The following RPL22L1 variants were observed in gnomAD, a reference collection of about 807,000 sequenced individuals.
RPL22L1 encodes the protein ribosomal protein L22 like 1.
Under a neutral mutation model 17.3 loss-of-function variants are expected in RPL22L1, and 19 were observed. The ratio of observed to expected loss-of-function variants is 1.10; its 90% CI spans 0.77 to 1.61. RPL22L1 has a LOEUF of 1.61. Ranked by LOEUF, RPL22L1 falls within the 40% of genes most tolerant of loss-of-function variation. The probability of loss-of-function intolerance (pLI) is 0.00; values close to 1 mark genes in which losing one functional copy is unlikely to be tolerated. For missense variants in RPL22L1, 139 were observed against 144.4 expected, an observed-to-expected ratio of 0.96 and a Z score of 0.19; for synonymous variants, 48 against 48.5, an observed-to-expected ratio of 0.99 and a Z score of 0.05.
In RPL22L1 at chr3:170,865,512, C is replaced by T. The variant is rs930557642; in HGVS notation, c.*868G>A. 3 of 152,160 alleles carry T rather than the reference C, an allele frequency of 2.0e-5. No homozygotes were observed. Among genetic ancestry groups the T allele is most frequent in the Admixed American group, 6.5e-5 (1 of 15,278 alleles). 9.4% of individuals were successfully genotyped at this position (152,160 alleles called of 1,614,324 possible). ...CAACACGCCGGTGTTGGGGTAGGGG[C>T]TTTTGAGAAAGAGATGAGGATGCTC... On this transcript the variant is annotated 3_prime_UTR_variant, in exon 4 of 4. Transcript: ENST00000295830.
At chr3:170,867,910 C>G in intron 3 of RPL22L1, 103 bp downstream of exon 3, 1 of 972,516 alleles carries the variant, frequency 1.0e-6, no homozygotes, top group Non-Finnish European at 1.5e-6. Flanking sequence ...GTCTAAAGTT[C>G]ATATTTATTC....
chr3:170,869,436 A>G (rs968546561), intron 1 of RPL22L1, among the ~76,000 whole-genome samples: 4 of 152,204 alleles, frequency 2.6e-5, no homozygotes, highest in African/African-American at 9.6e-5. Flanking sequence ...AATGGAACAG[A>G]TAACCCTATA....
Position 170,866,360 on chromosome 3 carries a change from C to A in RPL22L1, c.*20G>T, listed in dbSNP as rs755745651. 5 of 1,582,826 alleles carry A rather than the reference C, an allele frequency of 3.2e-6. No homozygotes were observed. The African/African-American group carries it at 5.4e-5, about 17-fold the overall frequency. ...CATTTATTTTATTAATAAGCAAAGC[C>A]CTGTAAGGGGAGCCTTTGCCTAGTC... On this transcript the variant is annotated 3_prime_UTR_variant, in exon 4 of 4. Coordinates refer to ENST00000295830, the MANE Select transcript of RPL22L1 (RefSeq NM_001099645.2).
intron 3 of RPL22L1, among the ~76,000 whole-genome samples, chr3:170,867,624 A>G (rs1199583913): frequency 6.6e-6 from 1 of 152,204 alleles, no homozygotes; most frequent in East Asian, 1.9e-4. Flanking sequence ...ACTGGCAGCA[A>G]GATGTTAAGA....
Position 170,865,486 on chromosome 3 carries a change from C to T in RPL22L1, c.*894G>A, listed in dbSNP as rs188545484. 6.6e-6 allele frequency: 1 copy of T among 152,272 alleles called. No individual in the cohort carries two copies. Among genetic ancestry groups the T allele is most frequent in the Non-Finnish European group, 1.5e-5 (1 of 68,032 alleles). 9.4% of individuals were successfully genotyped at this position (152,272 alleles called of 1,614,324 possible). On this transcript the variant is annotated 3_prime_UTR_variant, in exon 4 of 4. Transcript: ENST00000295830. ...TCCACTTGTAAGTTTCAATAGACAA[C>T]CAACACGCCGGTGTTGGGGTAGGGG...
intron 1 of RPL22L1, chr3:170,869,892 C>G: frequency 1.6e-6 from 1 of 619,276 alleles, no homozygotes; most frequent in Non-Finnish European, 3.0e-6. Context: ...TACAGTTGTG[C>G]CTCCCTCTTT....
chr3:170,869,203 C>T (rs185455921), intron 1 of RPL22L1, among the ~76,000 whole-genome samples: 1 of 151,972 alleles, frequency 6.6e-6, no homozygotes, highest in African/African-American at 2.4e-5. Context: ...AATATGGCTA[C>T]ATAAGCAAAA....
At chr3:170,866,764 T>C (rs923715238) in intron 3 of RPL22L1, among the ~76,000 whole-genome samples, 3 of 152,226 alleles carry the variant, frequency 2.0e-5, no homozygotes, top group Non-Finnish European at 2.9e-5. Context: ...GTCAAACTGC[T>C]ACAGCCAAAT....
At chr3:170,867,874 G>T in intron 3 of RPL22L1, 139 bp downstream of exon 3, 1 of 717,770 alleles carries the variant, frequency 1.4e-6, no homozygotes, top group Non-Finnish European at 2.2e-6. Flanking sequence ...CTCATTTACT[G>T]AATTTCCCAT....
intron 3 of RPL22L1, 42 bp from the exon 4 acceptor site, chr3:170,866,566 CCTA>C: frequency 7.0e-7 from 1 of 1,436,028 alleles, no homozygotes; most frequent in Non-Finnish European, 9.5e-7. Flanking sequence ...AAATACAATT[CCTA>C]CTATGTAAAG....
intron 3 of RPL22L1, among the ~76,000 whole-genome samples, 161 bp downstream of exon 3, chr3:170,867,852 C>A (rs1451848707): frequency 2.0e-5 from 3 of 152,206 alleles, no homozygotes; most frequent in Admixed American, 2.0e-4. Flanking sequence ...CAACTAGACT[C>A]AGCAATTGGC....
chr3:170,866,590 C>A lies in RPL22L1; in HGVS notation c.225-66G>T, dbSNP rs181986380. 4.3e-6 allele frequency: 5 copies of A among 1,169,188 alleles called. No homozygotes were observed. In the African/African-American group the frequency reaches 4.6e-5, roughly 11 times the overall value. The allele number at this position is 1,169,188 out of a possible 1,614,324, so 72.4% of individuals were successfully genotyped here. On this transcript the variant is annotated intron_variant, in intron 3 of 3. Coordinates refer to ENST00000295830, the MANE Select transcript of RPL22L1 (RefSeq NM_001099645.2). ...TCCTACTATGTAAAGGTTTACTATA[C>A]GAAAAATATACATCATCATATTCAT...
At position 170,866,524 on chromosome 3, in the gene RPL22L1, C is replaced by A. The variant is rs1239044448; in HGVS notation, c.225G>T (p.Arg75Ser). 1.3e-6 allele frequency: 2 copies of A among 1,533,258 alleles called. No homozygotes were observed. The highest frequency in any genetic ancestry group is 8.8e-7 in the Non-Finnish European group (1 of 1,134,764). 95.0% of individuals were successfully genotyped at this position (1,533,258 alleles called of 1,614,324 possible). A position where few individuals can be genotyped will look rare whatever the true frequency, so the allele number is the denominator to read the frequency against. ...ATTTCTTGGTAAGGTATTTCAAATA[C>A]CTTTTAAAATAAAAACATAAATTTC... Reference protein sequence around the residue: ...TVVSEKQFSKRYLKYLTKKYL... With the variant: ...TVVSEKQFSKSYLKYLTKKYL... Residue 75 changes from arginine to serine, a missense_variant and splice_region_variant, in exon 4 of 4, where the codon AGG becomes AGT. Transcript: ENST00000295830.
Position 170,868,004 on chromosome 3 carries a change from A to G in RPL22L1, c.224+9T>C. ...CTATAGTTTTATTAAAATTTGCAAA[A>G]GTACCAACCTTTTAGAGAACTGTTT... On this transcript the variant is annotated intron_variant, in intron 3 of 3. Transcript: ENST00000295830. The G allele has an allele frequency of 6.4e-7, 1 of 1,572,096 alleles. No homozygotes were observed. The highest frequency in any genetic ancestry group is 8.6e-7 in the Non-Finnish European group (1 of 1,160,868).
intron 3 of RPL22L1, among the ~76,000 whole-genome samples, chr3:170,867,661 T>C (rs1276246404): frequency 6.6e-6 from 1 of 152,232 alleles, no homozygotes; most frequent in African/African-American, 2.4e-5. Context: ...CTACCTCTAC[T>C]GAATAAATAA....
intron 1 of RPL22L1, 72 bp downstream of exon 1, chr3:170,870,087 G>T: frequency 1.2e-6 from 2 of 1,609,114 alleles, no homozygotes; most frequent in Middle Eastern, 1.7e-4. Context: ...CCACTCGACA[G>T]ATGCAAAAAT....
At position 170,866,097 on chromosome 3, in the gene RPL22L1, TA is replaced by T. The variant is rs962182474; in HGVS notation, c.*282del. ...GCCTGGGTGACAGAACGAGAGTGTC[TA>T]AAAAAAAGATTTCCTATATAACGCT... On this transcript the variant is annotated 3_prime_UTR_variant, in exon 4 of 4. Coordinates refer to ENST00000295830, the MANE Select transcript of RPL22L1 (RefSeq NM_001099645.2). The T allele has an allele frequency of 1.8e-4, 36 of 198,784 alleles. No homozygotes were observed. The highest frequency in any genetic ancestry group is 2.5e-4 in the Non-Finnish European group (25 of 98,348). The allele number at this position is 198,784 out of a possible 1,614,324, so 12.3% of individuals were successfully genotyped here.
At position 170,866,784 on chromosome 3, in the gene RPL22L1, A is replaced by G. The variant is rs140490108; in HGVS notation, c.225-260T>C. Among the ~76,000 whole-genome samples the G allele has an allele frequency of 3.8e-3, 572 of 152,316 alleles. 4 individuals carry two copies. Among genetic ancestry groups the G allele is most frequent in the African/African-American group, 0.013 (558 of 41,560 alleles). On this transcript the variant is annotated intron_variant, in intron 3 of 3. Transcript: ENST00000295830. ...ACTGCTACAGCCAAATTATTTAAGCAATATGATTTCACTCTTCAAATATAT... is the reference window on the plus strand; with the variant it reads ...ACTGCTACAGCCAAATTATTTAAGCGATATGATTTCACTCTTCAAATATAT...
intron 3 of RPL22L1, among the ~76,000 whole-genome samples, chr3:170,867,447 C>A (rs972748060): frequency 2.0e-5 from 3 of 152,148 alleles, no homozygotes; most frequent in African/African-American, 7.2e-5. Flanking sequence ...TAGTTTTATG[C>A]CCTTACAGCA....
Sources: allele counts gnomAD v4.1 joint callset (sites outside exome capture counted in the v4.1 genomes callset), GRCh38; gene constraint gnomAD v4.1.1; transcripts MANE v1.5; gene names NCBI Gene and HGNC (gene_info 2026-07-23, HGNC 2026-07-21).